DNAI4: variants seen among roughly 807,000 people sequenced by gnomAD.
DNAI4 encodes the protein WD repeat domain 78.
DNAI4 carries 85 observed loss-of-function variants against 105.8 expected under a neutral mutation model. The ratio of observed to expected loss-of-function variants is 0.80; its 90% CI spans 0.67 to 0.96. The LOEUF (loss-of-function observed/expected upper bound fraction) is 0.96. Among genes scored for constraint, DNAI4 ranks in the 40% least tolerant of loss-of-function variants. DNAI4 has a pLI of 0.00. For synonymous variants in DNAI4, 352 were observed against 331.5 expected, an observed-to-expected ratio of 1.06 and a Z score of -0.67; for missense variants, 1,014 against 1,005.6, an observed-to-expected ratio of 1.01 and a Z score of -0.11.
chr1:66,833,525 A>C, intron 13 of DNAI4, 60 bp downstream of exon 13: 1 of 1,588,898 alleles, frequency 6.3e-7, no homozygotes, highest in Non-Finnish European at 8.6e-7. Flanking sequence ...TTATGACTTA[A>C]TACACTTCAA....
intron 6 of DNAI4, among the ~76,000 whole-genome samples, chr1:66,869,711 T>C (rs1459671696): frequency 6.6e-6 from 1 of 152,196 alleles, no homozygotes; most frequent in Admixed American, 6.5e-5. Flanking sequence ...GATTGGCTGA[T>C]ACAGTTTAGA....
chr1:66,823,099 C>T (rs1411433096), intron 15 of DNAI4, among the ~76,000 whole-genome samples: 7 of 148,696 alleles, frequency 4.7e-5, no homozygotes, highest in African/African-American at 1.7e-4. Flanking sequence ...TGATGTTCCC[C>T]TTCCCGTGTC....
At chr1:66,871,584 T>C in intron 5 of DNAI4, 75 bp from the exon 6 acceptor site, 1 of 1,350,142 alleles carries the variant, frequency 7.4e-7, no homozygotes, top group Non-Finnish European at 9.8e-7. Context: ...TATTATTCTT[T>C]TCCCTAAAAT....
intron 6 of DNAI4, among the ~76,000 whole-genome samples, chr1:66,865,323 C>T (rs1169598155): frequency 6.6e-6 from 1 of 152,062 alleles, no homozygotes; most frequent in Non-Finnish European, 1.5e-5. Context: ...ACTTGGGAGG[C>T]TGAGGCACGA....
chr1:66,818,594 T>A (rs1438682143), intron 16 of DNAI4, among the ~76,000 whole-genome samples: 3 of 152,288 alleles, frequency 2.0e-5, no homozygotes, highest in South Asian at 2.1e-4. Flanking sequence ...CTTTTGTACA[T>A]ATAAAGGCTA....
chr1:66,880,952 C>G (rs948335922), intron 4 of DNAI4, among the ~76,000 whole-genome samples: 2 of 152,190 alleles, frequency 1.3e-5, no homozygotes, highest in African/African-American at 4.8e-5. Context: ...TGCATCCCAG[C>G]CACTCCAGCC....
intron 6 of DNAI4, among the ~76,000 whole-genome samples, chr1:66,868,730 A>G (rs1646781798): frequency 6.6e-6 from 1 of 152,076 alleles, no homozygotes; most frequent in Non-Finnish European, 1.5e-5. Context: ...AGCCTCCATA[A>G]TTACATAAGC....
At chr1:66,896,950 A>T (rs1197111337) in intron 2 of DNAI4, among the ~76,000 whole-genome samples, 2 of 152,244 alleles carry the variant, frequency 1.3e-5, no homozygotes, top group African/African-American at 2.4e-5. Context: ...AGTAGTGGAT[A>T]GAGGCTGGAA....
intron 7 of DNAI4, among the ~76,000 whole-genome samples, chr1:66,853,316 C>G (rs1458643762): frequency 6.6e-6 from 1 of 152,190 alleles, no homozygotes; most frequent in Non-Finnish European, 1.5e-5. Flanking sequence ...TTAAAGAAAA[C>G]ACGGCTGAGT....
intron 5 of DNAI4, among the ~76,000 whole-genome samples, chr1:66,873,539 C>G (rs1646894543): frequency 6.6e-6 from 1 of 152,240 alleles, no homozygotes; most frequent in African/African-American, 2.4e-5. Flanking sequence ...GCATGAGCCA[C>G]CACATCCAGG....
In DNAI4 at chr1:66,826,977, C is replaced by A. The variant is rs768883749; in HGVS notation, c.2182G>T (p.Gly728Cys). 6.2e-7 allele frequency: 1 copy of A among 1,613,842 alleles called. No individual in the cohort carries two copies. Among genetic ancestry groups the A allele is most frequent in the African/African-American group, 1.3e-5 (1 of 74,876 alleles). ...DVFLSCSADWGVIIWQQENVK... is the reference protein window; with the variant it reads ...DVFLSCSADWCVIIWQQENVK... ...TTCTCCTGTTGCCATATAATAACACCCCAATCTGCAGAACAGCTTAAAAAT... is the reference window on the plus strand; with the variant it reads ...TTCTCCTGTTGCCATATAATAACACACCAATCTGCAGAACAGCTTAAAAAT... The change falls in exon 15 of 17, where the codon GGT becomes TGT. Residue 728 changes from glycine (G) to cysteine (C), a missense_variant. Transcript: ENST00000371026.
In DNAI4 at chr1:66,890,950, G is replaced by A; in HGVS notation, c.643+204C>T. 1.7e-6 allele frequency: 1 copy of A among 576,996 alleles called. No homozygotes were observed. Among genetic ancestry groups the A allele is most frequent in the Non-Finnish European group, 3.1e-6 (1 of 324,064 alleles). The allele number at this position is 576,996 out of a possible 1,614,324, so 35.7% of individuals were successfully genotyped here. Reference sequence around the variant, plus strand: ...CTGAGCTCTAACACAAAGCGCCATTGGTTCCTCAGGCTGATGATTCAAAAC... The same window carrying A: ...CTGAGCTCTAACACAAAGCGCCATTAGTTCCTCAGGCTGATGATTCAAAAC... On this transcript the variant is annotated intron_variant, in intron 4 of 16. Coordinates refer to ENST00000371026, the MANE Select transcript of DNAI4 (RefSeq NM_024763.5). This position sits in a 1 kb window ranked among gnomAD's most constrained non-coding sequence, Gnocchi z 4.1.
rs537290751 is a variant in DNAI4, at chr1:66,853,340, T to A, written c.1097-5662A>T. Among the ~76,000 whole-genome samples the A allele has an allele frequency of 7.9e-5, 12 of 152,324 alleles. No individual in the cohort carries two copies. The East Asian group carries it at 2.1e-3, about 27-fold the overall frequency. On this transcript the variant is annotated intron_variant, in intron 7 of 16. Transcript: ENST00000371026. Reference sequence around the variant, plus strand: ...ACACGGCTGAGTCAGGGAACTTACATGATTCTAGTGTTGACCATTAGGTTT... The same window carrying A: ...ACACGGCTGAGTCAGGGAACTTACAAGATTCTAGTGTTGACCATTAGGTTT...
chr1:66,817,719 C>T (rs1645547234), intron 16 of DNAI4, among the ~76,000 whole-genome samples: 1 of 152,116 alleles, frequency 6.6e-6, no homozygotes, highest in Non-Finnish European at 1.5e-5. Context: ...TGAAGTCAAT[C>T]AAGTGATCCA....
chr1:66,853,301 C>T lies in DNAI4; in HGVS notation c.1097-5623G>A, dbSNP rs756670476. ...GCTTTCCCACAGGTTTATGGATTGA[C>T]GAGCTTAAAGAAAACACGGCTGAGT... is the stretch of plus-strand genomic sequence containing the variant. On this transcript the variant is annotated intron_variant, in intron 7 of 16. Coordinates refer to ENST00000371026, the MANE Select transcript of DNAI4 (RefSeq NM_024763.5). 6.6e-5 allele frequency among the ~76,000 whole-genome samples: 10 copies of T among 152,166 alleles called. No individual in the cohort carries two copies. The South Asian group carries it at 1.0e-3, about 16-fold the overall frequency.
Position 66,874,855 on chromosome 1 carries a change from C to T in DNAI4, c.726G>A (p.Glu242=). 2 of 1,613,758 alleles carry T rather than the reference C, an allele frequency of 1.2e-6. No individual in the cohort carries two copies. The highest frequency in any genetic ancestry group is 1.7e-6 in the Non-Finnish European group (2 of 1,179,776). ...LEKNIEIILT[E]TETLRFFDLP... ...AGTCAAAAAATCTCAGTGTTTCTGTCTCTGTGAGTATTATCTCTATATTCT... is the reference window on the plus strand; with the variant it reads ...AGTCAAAAAATCTCAGTGTTTCTGTTTCTGTGAGTATTATCTCTATATTCT... The change falls in exon 5 of 17, where the codon GAG becomes GAA. Residue 242 remains glutamate (E), a synonymous_variant. Coordinates refer to ENST00000371026, the MANE Select transcript of DNAI4 (RefSeq NM_024763.5).
At chr1:66,820,926 G>C (rs1304665604) in intron 16 of DNAI4, among the ~76,000 whole-genome samples, 2 of 151,850 alleles carry the variant, frequency 1.3e-5, no homozygotes, top group Non-Finnish European at 2.9e-5. Flanking sequence ...TTTCCTTCTT[G>C]TTGGATATTT....
chr1:66,885,775 C>T (rs1647185736), intron 4 of DNAI4, among the ~76,000 whole-genome samples: 1 of 152,062 alleles, frequency 6.6e-6, no homozygotes, highest in African/African-American at 2.4e-5. Context: ...TTCTGGCTTC[C>T]GTCAAGATGT....
intron 2 of DNAI4, among the ~76,000 whole-genome samples, chr1:66,900,028 C>T (rs934573978): frequency 6.6e-6 from 1 of 152,100 alleles, no homozygotes; most frequent in African/African-American, 2.4e-5. Context: ...ATGATTTTGG[C>T]TCTTCTGGGT....
Sources: gnomAD v4.1 joint callset for allele counts (sites outside exome capture counted in the v4.1 genomes callset) on GRCh38, gnomAD v4.1.1 for gene constraint, Gnocchi (gnomAD v3.1) non-coding constraint, MANE v1.5 for transcripts, NCBI Gene and HGNC (gene_info 2026-07-23, HGNC 2026-07-21) for gene names.